Variants in EEF1E1 observed in about 807,000 individuals in gnomAD.
The protein encoded by EEF1E1 is eukaryotic translation elongation factor 1 epsilon-1.
EEF1E1 carries 19 observed loss-of-function variants against 19.9 expected under a neutral mutation model. That is an observed-to-expected ratio of 0.95 (90% CI 0.66 to 1.40). The LOEUF is 1.40. Among genes scored for constraint, EEF1E1 ranks in the 40% most tolerant of loss-of-function variants. The pLI is 0.00. For missense variants in EEF1E1, 198 were observed against 202.2 expected, an observed-to-expected ratio of 0.98 and a Z score of 0.13; for synonymous variants, 81 against 80.0, an observed-to-expected ratio of 1.01 and a Z score of -0.07.
chr6:8,101,796 G>T lies in EEF1E1; in HGVS notation c.87+639C>A, dbSNP rs9505358. The stretch of plus-strand genomic sequence containing the variant: ...ATGTTTCCCGCATTCACTGTGGGTC[G>T]TAACACTTAAACTGATAATCCAAGG... On this transcript the variant is annotated intron_variant, in intron 1 of 3. Transcript: ENST00000379715. The T allele has an allele frequency of 2.9e-3, 3,680 of 1,289,290 alleles. 69 individuals carry two copies. In the African/African-American group the frequency reaches 0.05, roughly 18 times the overall value. 79.9% of individuals were successfully genotyped at this position (1,289,290 alleles called of 1,614,324 possible).
intron 2 of EEF1E1, among the ~76,000 whole-genome samples, chr6:8,095,182 G>C (rs1758134181): frequency 6.6e-6 from 1 of 152,074 alleles, no homozygotes; most frequent in Non-Finnish European, 1.5e-5. Flanking sequence ...AAAAGGTGTT[G>C]ACAACACATT....
chr6:8,078,236 T>C (rs1300482381), downstream of EEF1E1, among the ~76,000 whole-genome samples: 1 of 152,136 alleles, frequency 6.6e-6, no homozygotes, highest in Admixed American at 6.6e-5. Context: ...CCTGAGCACT[T>C]AGGGGCTACT....
intron 1 of EEF1E1, among the ~76,000 whole-genome samples, chr6:8,097,956 A>G (rs1315289253): frequency 6.6e-6 from 1 of 152,220 alleles, no homozygotes; most frequent in African/African-American, 2.4e-5. Context: ...AATAAGGACA[A>G]TGCATTATGA....
intron 3 of EEF1E1, among the ~76,000 whole-genome samples, chr6:8,082,792 A>C (rs576109455): frequency 9.9e-5 from 15 of 152,206 alleles, no homozygotes; most frequent in Non-Finnish European, 2.1e-4. Flanking sequence ...ATAATTATGA[A>C]TGACCTTGAC....
At chr6:8,098,617 CTT>C (rs1488317264) in intron 1 of EEF1E1, among the ~76,000 whole-genome samples, 1 of 152,186 alleles carries the variant, frequency 6.6e-6, no homozygotes, top group African/African-American at 2.4e-5. Context: ...TGACTTCTCA[CTT>C]TTGTCTTAAA....
chr6:8,081,017 G>A (rs925451443), intron 3 of EEF1E1, among the ~76,000 whole-genome samples: 2 of 152,172 alleles, frequency 1.3e-5, no homozygotes, highest in African/African-American at 4.8e-5. Context: ...ATCACCAAAG[G>A]TGAAGGATAA....
chr6:8,079,829 C>A lies in EEF1E1; in HGVS notation c.*61G>T. ...TATTAATTTACATTAGTCCTGTGGT[C>A]TAGAGTACATTTTCCATTTAAAACA... On this transcript the variant is annotated 3_prime_UTR_variant, in exon 4 of 4. Transcript: ENST00000379715. The A allele has an allele frequency of 6.4e-7, 1 of 1,562,688 alleles. No homozygotes were observed. The highest frequency in any genetic ancestry group is 1.2e-5 in the South Asian group (1 of 84,460).
At chr6:8,075,312 T>C (rs1377265317), downstream of EEF1E1, among the ~76,000 whole-genome samples, 1 of 152,196 alleles carries the variant, frequency 6.6e-6, no homozygotes, top group East Asian at 1.9e-4. Flanking sequence ...CTAAAAATAC[T>C]CCTGAGGGCA....
Position 8,081,730 on chromosome 6 carries a change from A to G in EEF1E1, c.385-1700T>C, listed in dbSNP as rs530080988. Among the ~76,000 whole-genome samples, 272 of 152,372 alleles carry G rather than the reference A, an allele frequency of 1.8e-3. 3 individuals carry two copies. The highest frequency in any genetic ancestry group is 6.3e-3 in the African/African-American group (261 of 41,582). On this transcript the variant is annotated intron_variant, in intron 3 of 3. Transcript: ENST00000379715. ...ACAAGAAATGGGAGCTTTCTTACCA[A>G]AAATGAATAAATGAATGAATAAAAT...
At chr6:8,084,520 C>A (rs1757797518) in intron 3 of EEF1E1, among the ~76,000 whole-genome samples, 1 of 152,188 alleles carries the variant, frequency 6.6e-6, no homozygotes, top group African/African-American at 2.4e-5. Context: ...TCAGTATCAT[C>A]TTTTTTATTT....
chr6:8,098,783 T>G (rs1347459944), intron 1 of EEF1E1, among the ~76,000 whole-genome samples: 2 of 152,298 alleles, frequency 1.3e-5, no homozygotes, highest in East Asian at 3.9e-4. Context: ...AACATGTGTG[T>G]ACTGAATGTA....
At chr6:8,076,381 T>G (rs1385579387), downstream of EEF1E1, among the ~76,000 whole-genome samples, 1 of 152,188 alleles carries the variant, frequency 6.6e-6, no homozygotes, top group Non-Finnish European at 1.5e-5. Flanking sequence ...TGGAGTGCAG[T>G]GGCTTGATCT....
chr6:8,081,801 C>T (rs1757729807), intron 3 of EEF1E1, among the ~76,000 whole-genome samples: 1 of 152,122 alleles, frequency 6.6e-6, no homozygotes, highest in Admixed American at 6.5e-5. Flanking sequence ...TTAAAGCAAA[C>T]AGATGTAACA....
At chr6:8,099,742 C>T (rs767155367) in intron 1 of EEF1E1, among the ~76,000 whole-genome samples, 3 of 122,328 alleles carry the variant, frequency 2.5e-5, no homozygotes, top group Non-Finnish European at 3.3e-5. Flanking sequence ...AGTGAAGCTC[C>T]GCCTCAAAAA....
At position 8,102,467 on chromosome 6, in the gene EEF1E1, CCTTA is replaced by C. The variant is rs1218207248; in HGVS notation, c.51_54del (p.Ser17ArgfsTer24). ...TCGCCCTGAGCACTGTATTTATTCCCCTTACTCAGTCCCAGGGACTTCTCCAGTA... is the reference window on the plus strand; with the variant it reads ...TCGCCCTGAGCACTGTATTTATTCCCCTCAGTCCCAGGGACTTCTCCAGTA... On this transcript the variant is annotated frameshift_variant, in exon 1 of 4. Coordinates refer to ENST00000379715, the MANE Select transcript of EEF1E1 (RefSeq NM_004280.5). LOFTEE classifies it high-confidence loss of function. 1 of 1,612,722 alleles carries C rather than the reference CCTTA, an allele frequency of 6.2e-7. No homozygotes were observed. Among genetic ancestry groups the C allele is most frequent in the East Asian group, 2.2e-5 (1 of 44,874 alleles).
intron 2 of EEF1E1, among the ~76,000 whole-genome samples, chr6:8,090,831 T>A (rs1023526595): frequency 9.2e-5 from 14 of 152,242 alleles, no homozygotes; most frequent in African/African-American, 3.4e-4. Flanking sequence ...TCACTGAATG[T>A]AAAGTTCCTC....
chr6:8,097,323 T>C lies in EEF1E1; in HGVS notation c.232A>G (p.Arg78Gly), dbSNP rs1199401445. The C allele has an allele frequency of 6.2e-7, 1 of 1,614,218 alleles. No homozygotes were observed. The highest frequency in any genetic ancestry group is 8.5e-7 in the Non-Finnish European group (1 of 1,180,040). Residue 78 changes from arginine to glycine, a missense_variant, in exon 2 of 4, where the codon AGG becomes GGG. Arg to Gly is a moderately radical substitution (Grantham distance 125). Coordinates refer to ENST00000379715, the MANE Select transcript of EEF1E1 (RefSeq NM_004280.5). The part of the protein sequence containing the change: ...KAIVQQWLEY[R>G]VTQVDGHSSK... Reference sequence around the variant, plus strand: ...GAGTGCCCATCTACTTGAGTGACCCTGTATTCTAACCACTGCTGAACGATT... The same window carrying C: ...GAGTGCCCATCTACTTGAGTGACCCCGTATTCTAACCACTGCTGAACGATT...
intron 3 of EEF1E1, among the ~76,000 whole-genome samples, chr6:8,081,414 T>C (rs1460543617): frequency 1.3e-5 from 2 of 152,192 alleles, no homozygotes; most frequent in Admixed American, 1.3e-4. Context: ...AAAGTTTAAT[T>C]TTTATTATGA....
At chr6:8,078,240 G>A (rs1757642986), downstream of EEF1E1, among the ~76,000 whole-genome samples, 1 of 152,076 alleles carries the variant, frequency 6.6e-6, no homozygotes, top group African/African-American at 2.4e-5. Flanking sequence ...AGCACTTAGG[G>A]GCTACTGTAA....
Sources: allele counts gnomAD v4.1 joint callset (sites outside exome capture counted in the v4.1 genomes callset), GRCh38; gene constraint gnomAD v4.1.1; transcripts MANE v1.5; gene names NCBI Gene and HGNC (gene_info 2026-07-23, HGNC 2026-07-21).